Variants in VIPR2 observed in about 807,000 individuals in gnomAD.
The protein encoded by VIPR2 is vasoactive intestinal polypeptide receptor 2.
In VIPR2, 48 loss-of-function variants were observed where a neutral mutation model predicts 58.0. The ratio of observed to expected loss-of-function variants is 0.83; its 90% CI spans 0.66 to 1.05. VIPR2 has a LOEUF of 1.05. Ranked by LOEUF, VIPR2 falls within the 50% of genes least tolerant of loss-of-function variation. The pLI, the probability that VIPR2 is intolerant of heterozygous loss-of-function variation, is 0.00. For missense variants in VIPR2, 534 were observed against 558.0 expected (o/e 0.96, Z 0.43); for synonymous variants, 243 against 235.2 (o/e 1.03, Z -0.30).
chr7:159,103,335 G>A (rs1389550381), intron 4 of VIPR2, among the ~76,000 whole-genome samples: 1 of 152,170 alleles, frequency 6.6e-6, no homozygotes, highest in Non-Finnish European at 1.5e-5. Context: ...CCTGCTGCAG[G>A]CTCAGGGCTC....
rs114675064 is a variant in VIPR2 at position 159,068,676 on chromosome 7, C to T, written c.358-10098G>A. Among the ~76,000 whole-genome samples the T allele has an allele frequency of 7.3e-3, 1,110 of 152,284 alleles. 13 individuals carry two copies. The highest frequency in any genetic ancestry group is 0.025 in the African/African-American group (1,029 of 41,554). ...GCTGTGACGTTTGTTGTAGGAGTGG[C>T]GCTTCTGGACGGCGGGTGCAACAGC... On this transcript the variant is annotated intron_variant, in intron 4 of 12. Coordinates refer to ENST00000262178, the MANE Select transcript of VIPR2 (RefSeq NM_003382.5).
chr7:159,112,033 T>C lies in VIPR2; in HGVS notation c.152-2114A>G, dbSNP rs57008661. ...CTCAATAAATAAACAATAAATAAGA[T>C]AATGTATAGTAAGATAACTAATACA... is the stretch of plus-strand genomic sequence containing the variant. On this transcript the variant is annotated intron_variant, in intron 2 of 12. Coordinates refer to ENST00000262178, the MANE Select transcript of VIPR2 (RefSeq NM_003382.5). Among the ~76,000 whole-genome samples, 709 of 152,326 alleles carry C rather than the reference T, an allele frequency of 4.7e-3. 5 individuals are homozygous for C. The highest frequency in any genetic ancestry group is 0.016 in the African/African-American group (677 of 41,568).
At chr7:159,117,804 T>C (rs1415820475) in intron 2 of VIPR2, among the ~76,000 whole-genome samples, 1 of 152,210 alleles carries the variant, frequency 6.6e-6, no homozygotes, top group Non-Finnish European at 1.5e-5. Context: ...GCATGAGGGC[T>C]GAAGCTGCTT....
rs1333657038 is a variant in VIPR2 at position 159,102,079 on chromosome 7, C to T, written c.357+1678G>A. Among the ~76,000 whole-genome samples, 7 of 125,532 alleles carry T rather than the reference C, an allele frequency of 5.6e-5. No individual in the cohort carries two copies. In the East Asian group the frequency reaches 7.6e-4, roughly 14 times the overall value. The allele number at this position is 125,532 out of a possible 152,430, so 82.4% of individuals were successfully genotyped here. A position where few individuals can be genotyped will look rare whatever the true frequency, so the allele number is the denominator to read the frequency against. ...ACGAGATCCGACGAGGCCATTCCCC[C>T]GACCGTTCCTGTGGTAGTGAACTGG... On this transcript the variant is annotated intron_variant, in intron 4 of 12. Transcript: ENST00000262178.
In VIPR2 at chr7:159,134,646, A is replaced by G. The variant is rs144498179; in HGVS notation, c.151+7800T>C. On this transcript the variant is annotated intron_variant, in intron 2 of 12. Coordinates refer to ENST00000262178, the MANE Select transcript of VIPR2 (RefSeq NM_003382.5). ...CAAAGTGAGTTTGTTTTCTATTAAT[A>G]GTGCAATATTTTCTTTCTTTTTTTT... 7.9e-3 allele frequency among the ~76,000 whole-genome samples: 1,199 copies of G among 152,078 alleles called. 8 individuals are homozygous for G. Among genetic ancestry groups the G allele is most frequent in the African/African-American group, 0.027 (1,113 of 41,470 alleles).
chr7:159,141,011 C>G (rs1245057908), intron 2 of VIPR2, among the ~76,000 whole-genome samples: 1 of 152,106 alleles, frequency 6.6e-6, no homozygotes, highest in East Asian at 1.9e-4. Flanking sequence ...TTCTAATATC[C>G]CATGAAAACA....
At chr7:159,046,601 A>C (rs1854667681) in intron 5 of VIPR2, among the ~76,000 whole-genome samples, 1 of 152,148 alleles carries the variant, frequency 6.6e-6, no homozygotes, top group African/African-American at 2.4e-5. Flanking sequence ...GAACTAGCTA[A>C]TGGTGATAGT....
chr7:159,088,494 C>A (rs1293427322), intron 4 of VIPR2, among the ~76,000 whole-genome samples: 1 of 152,188 alleles, frequency 6.6e-6, no homozygotes, highest in Non-Finnish European at 1.5e-5. Context: ...CACCCGTATA[C>A]CACACACAAG....
chr7:159,041,213 G>A (rs1348858954), intron 6 of VIPR2, among the ~76,000 whole-genome samples: 2 of 152,352 alleles, frequency 1.3e-5, no homozygotes, highest in African/African-American at 4.8e-5. Flanking sequence ...GCTCTGTGCA[G>A]TGTGTGGGAG....
rs904594549 is a variant in VIPR2 at position 159,125,118 on chromosome 7, C to T, written c.152-15199G>A. Among the ~76,000 whole-genome samples the T allele has an allele frequency of 5.3e-5, 8 of 152,114 alleles. No individual in the cohort carries two copies. In the South Asian group the frequency reaches 6.2e-4, roughly 12 times the overall value. On this transcript the variant is annotated intron_variant, in intron 2 of 12. Transcript: ENST00000262178. ...GACTTCCTCTCTTCCTATTTGGATG[C>T]GCTTTATTTTTTTCTCTTGCCTGAC... is the stretch of plus-strand genomic sequence containing the variant.
intron 5 of VIPR2, among the ~76,000 whole-genome samples, chr7:159,056,074 C>T (rs1055705408): frequency 5.3e-5 from 8 of 152,200 alleles, no homozygotes; most frequent in Admixed American, 2.0e-4. Context: ...CAATGTCCAG[C>T]GACCTTCCTG....
In VIPR2 at chr7:159,099,803, G is replaced by A. The variant is rs188645600; in HGVS notation, c.357+3954C>T. On this transcript the variant is annotated intron_variant, in intron 4 of 12. Transcript: ENST00000262178. The surrounding 1 kb of genome is among the most constrained non-coding windows in gnomAD (Gnocchi z 4.2). ...GCCACAGAAGCCCCTGAGACCCCTGGCTGCTCCCTTTCCTATGGAAGCCTG... is the reference window on the plus strand; with the variant it reads ...GCCACAGAAGCCCCTGAGACCCCTGACTGCTCCCTTTCCTATGGAAGCCTG... Among the ~76,000 whole-genome samples the A allele has an allele frequency of 5.3e-5, 8 of 152,244 alleles. No homozygotes were observed. Among genetic ancestry groups the A allele is most frequent in the Admixed American group, 1.3e-4 (2 of 15,290 alleles).
rs774293326 is a variant in VIPR2 at position 159,061,041 on chromosome 7, A to G, written c.358-2463T>C. Among the ~76,000 whole-genome samples, 7 of 152,218 alleles carry G rather than the reference A, an allele frequency of 4.6e-5. 1 individual carries two copies. The South Asian group carries it at 1.4e-3, about 32-fold the overall frequency. ...ATGTGGTACATACAGAGCATGGAAT[A>G]TTACGCAGCCACAAAGACTGAAATC... is the stretch of plus-strand genomic sequence containing the variant. On this transcript the variant is annotated intron_variant, in intron 4 of 12. Coordinates refer to ENST00000262178, the MANE Select transcript of VIPR2 (RefSeq NM_003382.5).
At chr7:159,119,341 C>T (rs951675695) in intron 2 of VIPR2, among the ~76,000 whole-genome samples, 2 of 152,206 alleles carry the variant, frequency 1.3e-5, no homozygotes, top group African/African-American at 4.8e-5. Flanking sequence ...ATCACAAGCA[C>T]CGCAAGGTAG....
chr7:159,135,004 G>GTTTTTTTTTTTTTTTTTTTTTTTTTTTT (rs747914292), intron 2 of VIPR2, among the ~76,000 whole-genome samples: 4 of 65,974 alleles, frequency 6.1e-5, no homozygotes, highest in African/African-American at 1.3e-4. Context: ...AATTACAAAA[G>GTTTTTTTTTTTTTTTTTTTTTTTTTTTT]TTTTTTTTTT....
intron 4 of VIPR2, among the ~76,000 whole-genome samples, chr7:159,091,450 T>G (rs1324601125): frequency 6.6e-6 from 1 of 152,172 alleles, no homozygotes; most frequent in Non-Finnish European, 1.5e-5. Flanking sequence ...CTCAATAATT[T>G]ATGCTATTTG....
chr7:159,029,450 G>A lies in VIPR2; in HGVS notation c.*1166C>T, dbSNP rs901144005. ...GGAGCAGCCGCTAGGGCTGCTGAGC[G>A]CCAGCTCTGGGGAGGAGGGCTTGAA... On this transcript the variant is annotated 3_prime_UTR_variant, in exon 13 of 13. Transcript: ENST00000262178. The A allele has an allele frequency of 1.4e-4, 21 of 152,384 alleles. No homozygotes were observed. The highest frequency in any genetic ancestry group is 4.3e-4 in the African/African-American group (18 of 41,584). The allele number at this position is 152,384 out of a possible 1,614,324, so 9.4% of individuals were successfully genotyped here. A position where few individuals can be genotyped will look rare whatever the true frequency, so the allele number is the denominator to read the frequency against.
chr7:159,043,731 A>T (rs1165351789), intron 5 of VIPR2, among the ~76,000 whole-genome samples: 1 of 152,192 alleles, frequency 6.6e-6, no homozygotes, highest in East Asian at 1.9e-4. Context: ...TCATAAACCC[A>T]AGGAGTTGTG....
intron 4 of VIPR2, among the ~76,000 whole-genome samples, chr7:159,075,470 C>T (rs572334907): frequency 1.3e-3 from 205 of 152,350 alleles, no homozygotes; most frequent in African/African-American, 4.3e-3. Context: ...TTGTTTCTCA[C>T]TCAATAAAAT....
Sources: gnomAD v4.1 joint callset for allele counts (sites outside exome capture counted in the v4.1 genomes callset) on GRCh38, gnomAD v4.1.1 for gene constraint, Gnocchi (gnomAD v3.1) non-coding constraint, MANE v1.5 for transcripts, NCBI Gene and HGNC (gene_info 2026-07-23, HGNC 2026-07-21) for gene names.